The following GRID2 variants were observed in gnomAD, a reference collection of about 807,000 sequenced individuals.
The protein encoded by GRID2 is glutamate receptor ionotropic, delta-2.
A neutral mutation model predicts 114.8 loss-of-function variants in GRID2; 33 were observed. The observed-to-expected ratio is 0.29, with a 90% confidence interval of 0.22 to 0.38. The LOEUF is 0.38. Ranked by LOEUF, GRID2 falls within the 10% of genes least tolerant of loss-of-function variation. The pLI is 1.00. For missense variants in GRID2, 1,184 were observed against 1,257.7 expected (o/e 0.94, Z 0.89); for synonymous variants, 505 against 449.9 (o/e 1.12, Z -1.55).
chr4:93,611,621 G>A (rs1347690497), intron 13 of GRID2, among the ~76,000 whole-genome samples: 3 of 133,362 alleles, frequency 2.2e-5, no homozygotes, highest in Non-Finnish European at 4.6e-5. Context: ...GTAGTTGAGC[G>A]GCTTTGAGTG....
intron 2 of GRID2, among the ~76,000 whole-genome samples, chr4:93,017,806 G>GA (rs796967580): frequency 0.068 from 3,334 of 49,258 alleles, 66 homozygotes; most frequent in East Asian, 0.16. Context: ...TCCTTTTCAA[G>GA]AAAAAAAAAA....
chr4:93,673,866 G>A (rs1335988506), intron 14 of GRID2, among the ~76,000 whole-genome samples: 1 of 152,130 alleles, frequency 6.6e-6, no homozygotes, highest in African/African-American at 2.4e-5. Flanking sequence ...TGCTTGGTTA[G>A]TTACATTGAT....
chr4:93,053,707 G>A (rs898196914), intron 2 of GRID2, among the ~76,000 whole-genome samples: 5 of 151,944 alleles, frequency 3.3e-5, no homozygotes, highest in Middle Eastern at 3.4e-3. Context: ...CTCAAATAAC[G>A]AAATGCCAGC....
At chr4:92,954,074 T>C (rs1309801505) in intron 2 of GRID2, among the ~76,000 whole-genome samples, 1 of 152,140 alleles carries the variant, frequency 6.6e-6, no homozygotes, top group African/African-American at 2.4e-5. Context: ...CAAATACACA[T>C]GCACATGAAT....
intron 2 of GRID2, among the ~76,000 whole-genome samples, chr4:92,721,678 C>T (rs546804946): frequency 9.0e-4 from 137 of 152,120 alleles, no homozygotes; most frequent in African/African-American, 3.1e-3. Flanking sequence ...TATAGCATGT[C>T]CTCTGTAAGA....
chr4:92,610,583 T>A (rs756535504), intron 2 of GRID2, among the ~76,000 whole-genome samples: 1 of 151,610 alleles, frequency 6.6e-6, no homozygotes, highest in Non-Finnish European at 1.5e-5. Flanking sequence ...TCCTTCACGC[T>A]GTACTGAGAC....
chr4:92,585,610 A>C (rs917785278), intron 1 of GRID2, among the ~76,000 whole-genome samples: 1 of 151,988 alleles, frequency 6.6e-6, no homozygotes, highest in African/African-American at 2.4e-5. Flanking sequence ...TAGAATATGT[A>C]TATCTTCCAA....
intron 8 of GRID2, among the ~76,000 whole-genome samples, chr4:93,343,167 TG>T (rs10606140): frequency 0.63 from 94,346 of 150,364 alleles, 29,580 homozygotes; most frequent in East Asian, 0.72. Flanking sequence ...TGTGTGTGTG[TG>T]TGTGTGTGTG....
At chr4:93,618,247 T>A (rs1467577497) in intron 13 of GRID2, among the ~76,000 whole-genome samples, 1 of 152,238 alleles carries the variant, frequency 6.6e-6, no homozygotes, top group East Asian at 1.9e-4. Context: ...TAAGTGCTCT[T>A]CTTACTTTTC....
intron 2 of GRID2, among the ~76,000 whole-genome samples, chr4:92,723,452 CA>C (rs1452695168): frequency 6.6e-6 from 1 of 151,884 alleles, no homozygotes; most frequent in South Asian, 2.1e-4. Flanking sequence ...GAATAATGAA[CA>C]AAAAAAGGTA....
chr4:92,605,317 A>C (rs1729404940), intron 2 of GRID2, among the ~76,000 whole-genome samples: 1 of 152,088 alleles, frequency 6.6e-6, no homozygotes, highest in Non-Finnish European at 1.5e-5. Context: ...AAAAATAAGA[A>C]TCATAATTGT....
intron 3 of GRID2, among the ~76,000 whole-genome samples, chr4:93,094,549 C>G (rs1433219978): frequency 6.6e-6 from 1 of 151,650 alleles, no homozygotes. Flanking sequence ...AAATTAACAG[C>G]TGAAAAAAAT....
chr4:92,339,356 T>A (rs540959417), intron 1 of GRID2, among the ~76,000 whole-genome samples: 1 of 152,274 alleles, frequency 6.6e-6, no homozygotes, highest in Admixed American at 6.5e-5. Context: ...CTGTACTCCA[T>A]ATATTGGTTT....
intron 1 of GRID2, among the ~76,000 whole-genome samples, chr4:92,557,087 C>G (rs1038778215): frequency 6.6e-6 from 1 of 152,016 alleles, no homozygotes; most frequent in Non-Finnish European, 1.5e-5. Context: ...AAATAAAAGA[C>G]TTGTAGAAGT....
intron 2 of GRID2, among the ~76,000 whole-genome samples, chr4:92,933,632 C>A (rs947809492): frequency 6.6e-6 from 1 of 151,472 alleles, no homozygotes; most frequent in Non-Finnish European, 1.5e-5. Flanking sequence ...TTCTGTTTAT[C>A]ACAAAGTTTC....
intron 2 of GRID2, among the ~76,000 whole-genome samples, chr4:92,608,511 G>T (rs903251503): frequency 6.6e-6 from 1 of 151,610 alleles, no homozygotes; most frequent in Non-Finnish European, 1.5e-5. Context: ...AGAGATAAGC[G>T]CCCAAGTTTT....
chr4:93,717,636 C>G (rs987017962), intron 14 of GRID2, among the ~76,000 whole-genome samples: 2 of 152,016 alleles, frequency 1.3e-5, no homozygotes, highest in Admixed American at 1.3e-4. Context: ...TATTTATAAC[C>G]ATACGTTTAA....
At chr4:93,362,631 A>G (rs1009589302) in intron 8 of GRID2, among the ~76,000 whole-genome samples, 4 of 151,934 alleles carry the variant, frequency 2.6e-5, no homozygotes, top group African/African-American at 9.7e-5. Context: ...TAGGGAAGAA[A>G]AATCTGGGCA....
intron 1 of GRID2, among the ~76,000 whole-genome samples, chr4:93,792,569 C>G (rs913316349): frequency 8.5e-5 from 13 of 152,260 alleles, no homozygotes; most frequent in Non-Finnish European, 1.3e-4. Flanking sequence ...CTTTGGCTGA[C>G]CCAGAACAAA....
Sources: gnomAD v4.1 joint callset for allele counts (sites outside exome capture counted in the v4.1 genomes callset) on GRCh38, gnomAD v4.1.1 for gene constraint, MANE v1.5 for transcripts, NCBI Gene and HGNC (gene_info 2026-07-23, HGNC 2026-07-21) for gene names.